KATNAL2: variants seen among roughly 807,000 people sequenced by gnomAD.
KATNAL2 encodes the protein katanin catalytic subunit A1 like 2, also known as katanin p60 ATPase-containing subunit A-like 2.
In KATNAL2, 52 loss-of-function variants were observed where a neutral mutation model predicts 76.3. The observed-to-expected ratio is 0.68, with a 90% CI of 0.55 to 0.86. KATNAL2 has a LOEUF of 0.86. Among genes scored for constraint, KATNAL2 ranks in the 40% least tolerant of loss-of-function variants. The pLI, the probability that KATNAL2 is intolerant of heterozygous loss-of-function variation, is 0.00. For synonymous variants in KATNAL2, 243 were observed against 244.2 expected, an observed-to-expected ratio of 1.00 and a Z score of 0.05; for missense variants, 660 against 668.9, an observed-to-expected ratio of 0.99 and a Z score of 0.15.
intron 3 of KATNAL2, chr18:47,034,681 C>T: frequency 6.2e-7 from 1 of 1,613,424 alleles, no homozygotes; most frequent in Non-Finnish European, 8.5e-7. Flanking sequence ...AGTGTGGCCT[C>T]TTCCGGGTTG....
chr18:47,038,093 A>G lies in KATNAL2; in HGVS notation c.52-8364A>G, dbSNP rs114574897. ...TTTGCAAACTGTGATTCTAATAAAA[A>G]AAAAGTGGAAATTCTTTTGATTGGA... On this transcript the variant is annotated intron_variant, in intron 3 of 17. Coordinates refer to ENST00000683218, the MANE Select transcript of KATNAL2 (RefSeq NM_001387690.1). Among the ~76,000 whole-genome samples, 617 of 152,354 alleles carry G rather than the reference A, an allele frequency of 4.0e-3. 2 individuals carry two copies. The highest frequency in any genetic ancestry group is 0.014 in the African/African-American group (586 of 41,580).
chr18:46,940,742 A>G (rs1454805106), intron 1 of KATNAL2, among the ~76,000 whole-genome samples: 1 of 152,200 alleles, frequency 6.6e-6, no homozygotes, highest in African/African-American at 2.4e-5. Flanking sequence ...CAGAGTTAAT[A>G]AAACAAAAAG....
At position 47,069,207 on chromosome 18, in the gene KATNAL2, C is replaced by G; in HGVS notation, c.826-13C>G. On this transcript the variant is annotated splice_polypyrimidine_tract_variant and intron_variant, in intron 11 of 17. Coordinates refer to ENST00000683218, the MANE Select transcript of KATNAL2 (RefSeq NM_001387690.1). ...TTGGTACCAAACCTCATCCTTGTTC[C>G]TTGTTTCCTTAGTATCCACAGCTAT... is the stretch of plus-strand genomic sequence containing the variant. 2 of 1,602,492 alleles carry G rather than the reference C, an allele frequency of 1.2e-6. No individual in the cohort carries two copies. The highest frequency in any genetic ancestry group is 8.5e-7 in the Non-Finnish European group (1 of 1,170,912).
Position 47,100,888 on chromosome 18 carries a change from C to T in KATNAL2, c.1500C>T (p.Ile500=). 2.5e-6 allele frequency: 4 copies of T among 1,614,124 alleles called. No individual in the cohort carries two copies. Among genetic ancestry groups the T allele is most frequent in the Non-Finnish European group, 3.4e-6 (4 of 1,180,008 alleles). The change falls in exon 18 of 18, where the codon ATC becomes ATT. Residue 500 remains isoleucine, a synonymous_variant. Transcript: ENST00000683218. ...HQSESSDLPR[I]QLDIVTTADF... ...TAGAAAGCAGCGACTTACCCAGGATCCAGTTGGATATAGTAACCACTGCCG... is the reference window on the plus strand; with the variant it reads ...TAGAAAGCAGCGACTTACCCAGGATTCAGTTGGATATAGTAACCACTGCCG...
intron 1 of KATNAL2, among the ~76,000 whole-genome samples, chr18:46,924,152 T>G (rs11874216): frequency 0.046 from 7,052 of 152,306 alleles, 190 homozygotes; most frequent in Non-Finnish European, 0.064. Flanking sequence ...TCCTTGCCCA[T>G]GCCTATGTCC....
chr18:47,032,988 A>G lies in KATNAL2; in HGVS notation c.52-13469A>G, dbSNP rs199820971. The G allele has an allele frequency of 1.7e-5, 27 of 1,614,008 alleles. No homozygotes were observed. The East Asian group carries it at 5.8e-4, about 35-fold the overall frequency. ...AAAATCCCCCCAGATTTTATCTGCAAGGCAAGTCCTGAGTTTATCGTCGGG... is the reference window on the plus strand; with the variant it reads ...AAAATCCCCCCAGATTTTATCTGCAGGGCAAGTCCTGAGTTTATCGTCGGG... On this transcript the variant is annotated intron_variant, in intron 3 of 17. Transcript: ENST00000683218.
chr18:46,926,134 A>G (rs2146516522), intron 1 of KATNAL2, among the ~76,000 whole-genome samples: 1 of 152,124 alleles, frequency 6.6e-6, no homozygotes, highest in Middle Eastern at 3.4e-3. Flanking sequence ...TAGCTTTTGA[A>G]TGTGTTTGCT....
chr18:47,051,375 G>C (rs2061336750), intron 4 of KATNAL2, among the ~76,000 whole-genome samples: 1 of 151,572 alleles, frequency 6.6e-6, no homozygotes, highest in East Asian at 1.9e-4. Context: ...AGGCTGCAGT[G>C]AGCCAAGATT....
rs1361783046 is a variant in KATNAL2 at position 47,077,394 on chromosome 18, G to A, written c.1144G>A (p.Val382Met). 1 of 1,614,052 alleles carries A rather than the reference G, an allele frequency of 6.2e-7. No individual in the cohort carries two copies. The highest frequency in any genetic ancestry group is 8.5e-7 in the Non-Finnish European group (1 of 1,179,928). The change falls in exon 15 of 18, where the codon GTG becomes ATG. Residue 382 changes from valine (V) to methionine (M), a missense_variant. Transcript: ENST00000683218. Reference protein sequence around the residue: ...GSLRMKTELLVQMDGLARSED... With the variant: ...GSLRMKTELLMQMDGLARSED... ...CCTGCGGATGAAGACAGAGTTACTGGTGCAGATGGATGGGCTGGCACGCTC... is the reference window on the plus strand; with the variant it reads ...CCTGCGGATGAAGACAGAGTTACTGATGCAGATGGATGGGCTGGCACGCTC...
At chr18:47,036,797 T>C (rs2060791377) in intron 3 of KATNAL2, among the ~76,000 whole-genome samples, 3 of 152,256 alleles carry the variant, frequency 2.0e-5, no homozygotes, top group Admixed American at 2.0e-4. Flanking sequence ...CTGAGCATAG[T>C]TGACCAATTC....
At chr18:46,923,995 G>A (rs2058654645) in intron 1 of KATNAL2, among the ~76,000 whole-genome samples, 1 of 152,032 alleles carries the variant, frequency 6.6e-6, no homozygotes. Flanking sequence ...GGATGAGTAG[G>A]TTGCAAAAAT....
chr18:46,929,534 C>T (rs1027022598), intron 1 of KATNAL2, among the ~76,000 whole-genome samples: 5 of 152,098 alleles, frequency 3.3e-5, no homozygotes, highest in African/African-American at 7.2e-5. Context: ...TGGGCTATCA[C>T]GCTTGGCCAC....
chr18:47,034,082 G>T (rs958956552), intron 3 of KATNAL2: 6 of 1,614,020 alleles, frequency 3.7e-6, no homozygotes, highest in Non-Finnish European at 5.1e-6. Flanking sequence ...TTTTTCTTTT[G>T]CTTCCGCAAC....
Position 46,946,097 on chromosome 18 carries a change from A to T in KATNAL2, c.-469A>T. 1.8e-6 allele frequency: 1 copy of T among 542,998 alleles called. No homozygotes were observed. Among genetic ancestry groups the T allele is most frequent in the Non-Finnish European group, 2.4e-6 (1 of 423,896 alleles). The allele number at this position is 542,998 out of a possible 1,614,324, so 33.6% of individuals were successfully genotyped here. On this transcript the variant is annotated 5_prime_UTR_variant, in exon 2 of 18. It removes an upstream start codon present in the reference 5' UTR. Coordinates refer to ENST00000683218, the MANE Select transcript of KATNAL2 (RefSeq NM_001387690.1). ...ATATTTTTGTATCCTGAAGGGAGAA[A>T]TGGATGAAGAAGAAATGGATGAAGA...
chr18:46,917,633 T>C lies in KATNAL2; in HGVS notation c.-803T>C. ...CGCGGCGACAGCGCCCGCCCGCGCC[T>C]GCCCCGGCGTGCTGCCCCGCGGCTT... On this transcript the variant is annotated 5_prime_UTR_variant, in exon 1 of 18. Coordinates refer to ENST00000683218, the MANE Select transcript of KATNAL2 (RefSeq NM_001387690.1). 2.4e-6 allele frequency: 2 copies of C among 824,116 alleles called. No homozygotes were observed. The highest frequency in any genetic ancestry group is 2.9e-6 in the Non-Finnish European group (2 of 679,230). 51.1% of individuals were successfully genotyped at this position (824,116 alleles called of 1,614,324 possible). A position where few individuals can be genotyped will look rare whatever the true frequency, so the allele number is the denominator to read the frequency against.
chr18:47,063,250 A>G, intron 9 of KATNAL2, 34 bp from the exon 10 acceptor site: 1 of 1,602,848 alleles, frequency 6.2e-7, no homozygotes, highest in Non-Finnish European at 8.5e-7. Context: ...ATGAAGCAAT[A>G]TTGTAATGTG....
intron 3 of KATNAL2, among the ~76,000 whole-genome samples, chr18:46,956,013 A>G (rs982054572): frequency 1.3e-5 from 2 of 152,214 alleles, no homozygotes; most frequent in East Asian, 3.8e-4. Flanking sequence ...GGTTTCAGAG[A>G]AGTGAATATT....
At position 47,053,111 on chromosome 18, in the gene KATNAL2, C is replaced by A. The variant is rs370611280; in HGVS notation, c.289+65C>A. The stretch of plus-strand genomic sequence containing the variant: ...TGTAAGATTAGTGTTTCTTTCTCAT[C>A]TTATTCCCAGATAGATGGAGACCCT... On this transcript the variant is annotated intron_variant, in intron 5 of 17. Coordinates refer to ENST00000683218, the MANE Select transcript of KATNAL2 (RefSeq NM_001387690.1). 27 of 1,364,710 alleles carry A rather than the reference C, an allele frequency of 2.0e-5. No individual in the cohort carries two copies. The African/African-American group carries it at 3.8e-4, about 19-fold the overall frequency. The allele number at this position is 1,364,710 out of a possible 1,614,324, so 84.5% of individuals were successfully genotyped here.
chr18:47,051,448 T>A (rs201619512), intron 4 of KATNAL2, among the ~76,000 whole-genome samples: 1 of 150,534 alleles, frequency 6.6e-6, no homozygotes. Flanking sequence ...AAAAAAAGGT[T>A]AAAAAAAGTT....
Sources: gnomAD v4.1 joint callset for allele counts (sites outside exome capture counted in the v4.1 genomes callset) on GRCh38, gnomAD v4.1.1 for gene constraint, MANE v1.5 for transcripts, NCBI Gene and HGNC (gene_info 2026-07-23, HGNC 2026-07-21) for gene names.